IL5RA: variants seen among roughly 807,000 people sequenced by gnomAD.
IL5RA encodes interleukin-5 receptor subunit alpha.
In IL5RA, 49 loss-of-function variants were observed where a neutral mutation model predicts 50.0. That is an observed-to-expected ratio of 0.98 (90% CI 0.78 to 1.24). The LOEUF is 1.24. IL5RA is among the 50% of genes most tolerant of loss of function. IL5RA has a pLI of 0.00. For missense variants in IL5RA, 600 were observed against 500.4 expected (o/e 1.20, Z -1.90); for synonymous variants, 202 against 174.0 (o/e 1.16, Z -1.26).
Position 3,092,123 on chromosome 3 carries a change from G to C in IL5RA, c.994+101C>G, listed in dbSNP as rs879164042. The C allele has an allele frequency of 2.8e-5, 43 of 1,515,024 alleles. No homozygotes were observed. Among genetic ancestry groups the C allele is most frequent in the Middle Eastern group, 3.5e-4 (2 of 5,690 alleles). 93.8% of individuals were successfully genotyped at this position (1,515,024 alleles called of 1,614,324 possible). A position where few individuals can be genotyped will look rare whatever the true frequency, so the allele number is the denominator to read the frequency against. On this transcript the variant is annotated intron_variant, in intron 9 of 11. Coordinates refer to ENST00000446632, the MANE Select transcript of IL5RA (RefSeq NM_175726.4). This position sits in a 1 kb window ranked among gnomAD's most constrained non-coding sequence, Gnocchi z 4.2. ...AGAAAATTAGTCACAATAGAGATATGAAACCATTTTAAGACCCACGAGTGA... is the reference window on the plus strand; with the variant it reads ...AGAAAATTAGTCACAATAGAGATATCAAACCATTTTAAGACCCACGAGTGA...
chr3:3,088,774 A>G (rs761881965), intron 9 of IL5RA, among the ~76,000 whole-genome samples: 3 of 152,192 alleles, frequency 2.0e-5, no homozygotes, highest in Non-Finnish European at 4.4e-5. Flanking sequence ...TTGAATACAT[A>G]TAGAGAGAGG....
intron 2 of IL5RA, among the ~76,000 whole-genome samples, chr3:3,107,146 T>C (rs1300242569): frequency 6.6e-6 from 1 of 152,182 alleles, no homozygotes; most frequent in Non-Finnish European, 1.5e-5. Flanking sequence ...AGCTTTTTCA[T>C]GTCTCATTGT....
chr3:3,105,940 C>A (rs765357424), intron 2 of IL5RA, among the ~76,000 whole-genome samples: 15 of 152,296 alleles, frequency 9.8e-5, no homozygotes, highest in Non-Finnish European at 1.5e-4. Context: ...CGCATGGCTT[C>A]CCCCTGTGTT....
intron 7 of IL5RA, among the ~76,000 whole-genome samples, chr3:3,096,912 C>T (rs1178552724): frequency 1.3e-5 from 2 of 152,176 alleles, no homozygotes; most frequent in East Asian, 1.9e-4. Flanking sequence ...TAACACAATT[C>T]TCACGAAGAC....
intron 9 of IL5RA, among the ~76,000 whole-genome samples, chr3:3,077,286 G>T (rs1168196736): frequency 6.6e-6 from 1 of 152,220 alleles, no homozygotes; most frequent in Non-Finnish European, 1.5e-5. Flanking sequence ...TTAAGGGACA[G>T]ATTCTTCTAG....
chr3:3,069,728 G>A lies in IL5RA; in HGVS notation c.*497C>T, dbSNP rs1275564462. The A allele has an allele frequency of 2.0e-5, 3 of 153,466 alleles. No individual in the cohort carries two copies. The highest frequency in any genetic ancestry group is 4.3e-5 in the Non-Finnish European group (3 of 69,138). The allele number at this position is 153,466 out of a possible 1,614,324, so 9.5% of individuals were successfully genotyped here. Reference sequence around the variant, plus strand: ...GAATGTAGGGGGGTGAGGAATTTGTGGCTCTCACTTGCTATAGAAAAGACA... The same window carrying A: ...GAATGTAGGGGGGTGAGGAATTTGTAGCTCTCACTTGCTATAGAAAAGACA... On this transcript the variant is annotated 3_prime_UTR_variant, in exon 12 of 12. Coordinates refer to ENST00000446632, the MANE Select transcript of IL5RA (RefSeq NM_175726.4).
intron 7 of IL5RA, among the ~76,000 whole-genome samples, chr3:3,096,225 C>G (rs1703358435): frequency 1.3e-5 from 2 of 151,330 alleles, no homozygotes; most frequent in Admixed American, 6.6e-5. Context: ...TTGCAGTGAG[C>G]CGAGATCGCG....
At chr3:3,074,529 G>A (rs2125951439) in intron 11 of IL5RA, among the ~76,000 whole-genome samples, 1 of 152,320 alleles carries the variant, frequency 6.6e-6, no homozygotes, top group Middle Eastern at 3.4e-3. Flanking sequence ...AGCTACTTGG[G>A]AGGCTGAGGT....
chr3:3,088,683 A>T (rs1231493634), intron 9 of IL5RA, among the ~76,000 whole-genome samples: 1 of 152,202 alleles, frequency 6.6e-6, no homozygotes, highest in Non-Finnish European at 1.5e-5. Context: ...AAGCATAACT[A>T]ACTTCTTATC....
intron 9 of IL5RA, among the ~76,000 whole-genome samples, chr3:3,086,555 A>G (rs541707967): frequency 6.6e-6 from 1 of 152,240 alleles, no homozygotes; most frequent in East Asian, 1.9e-4. Context: ...TTCCATAAAA[A>G]AAAAAATCCC....
At chr3:3,094,129 A>G (rs1391080448) in intron 8 of IL5RA, among the ~76,000 whole-genome samples, 1 of 152,218 alleles carries the variant, frequency 6.6e-6, no homozygotes, top group Non-Finnish European at 1.5e-5. Flanking sequence ...TAAAATACAT[A>G]TAATGAAATT....
intron 7 of IL5RA, among the ~76,000 whole-genome samples, chr3:3,096,028 CA>C (rs1288515284): frequency 7.2e-5 from 11 of 152,168 alleles, no homozygotes; most frequent in African/African-American, 2.7e-4. Context: ...CCTGTAATCC[CA>C]GCACTTTGGG....
intron 9 of IL5RA, among the ~76,000 whole-genome samples, chr3:3,079,578 G>A (rs1702594463): frequency 6.6e-6 from 1 of 152,264 alleles, no homozygotes; most frequent in Admixed American, 6.5e-5. Flanking sequence ...TGCTGTGAAG[G>A]TGGTCATTCT....
intron 9 of IL5RA, among the ~76,000 whole-genome samples, chr3:3,089,530 C>G (rs763667397): frequency 6.6e-6 from 1 of 152,190 alleles, no homozygotes; most frequent in Admixed American, 6.5e-5. Context: ...TGTGCCTGAA[C>G]TAAATCTCTC....
chr3:3,079,431 T>C (rs1702591098), intron 9 of IL5RA, among the ~76,000 whole-genome samples: 1 of 152,148 alleles, frequency 6.6e-6, no homozygotes, highest in Admixed American at 6.6e-5. Context: ...TTTCCATCCT[T>C]TACAGCCGCT....
At position 3,101,726 on chromosome 3, in the gene IL5RA, G is replaced by A. The variant is rs1703661720; in HGVS notation, c.333C>T (p.Ser111=). ...ILQNDHSLLA[S]SWASAELHAP... ...CATGAAGTTCAGCAGAAGCCCAGCT[G>A]CTGGCCAGTAGTGAGTGGTCGTTCT... Residue 111 remains serine, a synonymous_variant, in exon 5 of 12, where the codon AGC becomes AGT. Coordinates refer to ENST00000446632, the MANE Select transcript of IL5RA (RefSeq NM_175726.4). 1 of 1,613,988 alleles carries A rather than the reference G, an allele frequency of 6.2e-7. No individual in the cohort carries two copies. The highest frequency in any genetic ancestry group is 8.5e-7 in the Non-Finnish European group (1 of 1,179,916).
At chr3:3,090,209 C>T (rs553436401) in intron 9 of IL5RA, 262 of 1,609,720 alleles carry the variant, frequency 1.6e-4, no homozygotes, top group Non-Finnish European at 2.0e-4. Context: ...ATTTCAGATA[C>T]GGTGTGGGGC....
chr3:3,073,553 T>A (rs1304956181), intron 11 of IL5RA, among the ~76,000 whole-genome samples: 1 of 152,180 alleles, frequency 6.6e-6, no homozygotes, highest in Non-Finnish European at 1.5e-5. Flanking sequence ...ACAGAAAAAG[T>A]TTCTTGAGCC....
intron 11 of IL5RA, among the ~76,000 whole-genome samples, chr3:3,070,876 C>T (rs1162322511): frequency 3.3e-5 from 5 of 152,054 alleles, no homozygotes; most frequent in South Asian, 4.2e-4. Flanking sequence ...CCACCACGCC[C>T]GGCCGGATAC....
Sources: gnomAD v4.1 joint callset for allele counts (sites outside exome capture counted in the v4.1 genomes callset) on GRCh38, gnomAD v4.1.1 for gene constraint, Gnocchi (gnomAD v3.1) non-coding constraint, MANE v1.5 for transcripts, NCBI Gene and HGNC (gene_info 2026-07-23, HGNC 2026-07-21) for gene names.